SCNN1B: variants seen among roughly 807,000 people sequenced by gnomAD.
SCNN1B encodes the protein sodium channel epithelial 1 subunit beta, also known as epithelial sodium channel subunit beta.
SCNN1B carries 46 observed loss-of-function variants against 65.3 expected under a neutral mutation model. The observed-to-expected ratio is 0.70, with a 90% CI of 0.56 to 0.90. SCNN1B has a LOEUF of 0.90. SCNN1B is among the 40% of genes least tolerant of loss of function. SCNN1B has a pLI of 0.00. For synonymous variants in SCNN1B, 349 were observed against 330.6 expected, an observed-to-expected ratio of 1.06 and a Z score of -0.60; for missense variants, 751 against 830.5, an observed-to-expected ratio of 0.90 and a Z score of 1.18.
intron 1 of SCNN1B, among the ~76,000 whole-genome samples, chr16:23,334,912 C>G (rs987938713): frequency 6.6e-6 from 1 of 152,216 alleles, no homozygotes. Context: ...CCCCAGAGCT[C>G]GGCCCATACT....
At chr16:23,365,620 A>AGAAAGAAAGAAAGAGAAAG (rs11399911) in intron 4 of SCNN1B, among the ~76,000 whole-genome samples, 3 of 80,418 alleles carry the variant, frequency 3.7e-5, no homozygotes, top group Admixed American at 1.2e-4. Context: ...AAAGAAAGAA[A>AGAAAGAAAGAAAGAGAAAG]AAAGAAAGAA....
chr16:23,380,723 C>T lies in SCNN1B; in HGVS notation c.1845C>T (p.Thr615=), dbSNP rs760344381. 1 of 1,612,362 alleles carries T rather than the reference C, an allele frequency of 6.2e-7. No individual in the cohort carries two copies. Among genetic ancestry groups the T allele is most frequent in the Non-Finnish European group, 8.5e-7 (1 of 1,179,688 alleles). Residue 615 remains threonine (T), a synonymous_variant, in exon 13 of 13, where the codon ACC becomes ACT. Transcript: ENST00000343070. The surrounding 1 kb of genome is among the most constrained non-coding windows in gnomAD (Gnocchi z 5.4). ...AGCAGGCCCTGCCCATCCCAGGCAC[C>T]CCGCCCCCCAACTATGACTCCCTGC... is the stretch of plus-strand genomic sequence containing the variant. The part of the protein sequence containing the change: ...PSEQALPIPG[T]PPPNYDSLRL...
chr16:23,363,477 A>G (rs1005990614), intron 4 of SCNN1B, among the ~76,000 whole-genome samples: 1 of 152,230 alleles, frequency 6.6e-6, no homozygotes, highest in African/African-American at 2.4e-5. Flanking sequence ...CCCCGGGCTT[A>G]TGTTCTAAGC....
chr16:23,333,174 GAA>G (rs1567300592), intron 1 of SCNN1B, among the ~76,000 whole-genome samples: 4 of 141,318 alleles, frequency 2.8e-5, no homozygotes, highest in African/African-American at 5.3e-5. Flanking sequence ...AGGAAGGAAG[GAA>G]GGAAGGAAGG....
chr16:23,348,993 C>A lies in SCNN1B; in HGVS notation c.311+83C>A. On this transcript the variant is annotated intron_variant, in intron 2 of 12. Transcript: ENST00000343070. The surrounding 1 kb of genome is among the most constrained non-coding windows in gnomAD (Gnocchi z 4.5). ...TTTTCTTCCCTTCTACCTTTCCTTT[C>A]CTTCCTTTCCTTCCTTCTCCTTTCT... The A allele has an allele frequency of 9.4e-7, 1 of 1,063,692 alleles. No individual in the cohort carries two copies. Among genetic ancestry groups the A allele is most frequent in the Non-Finnish European group, 1.5e-6 (1 of 686,644 alleles). The allele number at this position is 1,063,692 out of a possible 1,614,324, so 65.9% of individuals were successfully genotyped here.
At chr16:23,371,015 G>A (rs1014034039) in intron 5 of SCNN1B, among the ~76,000 whole-genome samples, 2 of 152,248 alleles carry the variant, frequency 1.3e-5, no homozygotes, top group Admixed American at 6.5e-5. Flanking sequence ...TGGGTGGGCC[G>A]TGGCCATGCT....
At chr16:23,305,291 TA>T (rs1237641381) in intron 1 of SCNN1B, among the ~76,000 whole-genome samples, 1 of 151,736 alleles carries the variant, frequency 6.6e-6, no homozygotes, top group Non-Finnish European at 1.5e-5. Flanking sequence ...ATTTTTAGAT[TA>T]TTCCCAAGAT....
intron 1 of SCNN1B, among the ~76,000 whole-genome samples, chr16:23,336,486 C>T (rs2142005536): frequency 6.6e-6 from 1 of 152,032 alleles, no homozygotes; most frequent in South Asian, 2.1e-4. Context: ...ATTCTCCTGC[C>T]TCAGCCTCCT....
At chr16:23,320,647 G>T (rs1174961566) in intron 1 of SCNN1B, among the ~76,000 whole-genome samples, 2 of 152,216 alleles carry the variant, frequency 1.3e-5, no homozygotes, top group Admixed American at 6.5e-5. Flanking sequence ...ATTCCAGGGG[G>T]TTCTGATCCA....
intron 1 of SCNN1B, among the ~76,000 whole-genome samples, chr16:23,341,263 A>T (rs929508847): frequency 6.6e-6 from 1 of 152,210 alleles, no homozygotes; most frequent in Non-Finnish European, 1.5e-5. Flanking sequence ...CATGAAAAAC[A>T]ATGAAGTTGG....
chr16:23,328,166 G>A (rs1364786060), intron 1 of SCNN1B, among the ~76,000 whole-genome samples: 5 of 152,180 alleles, frequency 3.3e-5, no homozygotes, highest in South Asian at 2.1e-4. Context: ...GTCACCCCAC[G>A]CAGAGTGGCA....
intron 1 of SCNN1B, among the ~76,000 whole-genome samples, chr16:23,342,110 A>C (rs367971850): frequency 2.0e-4 from 30 of 152,386 alleles, no homozygotes; most frequent in African/African-American, 7.2e-4. Context: ...ATGAATGGAT[A>C]AATAAAATGT....
At chr16:23,314,343 C>T (rs925389159) in intron 1 of SCNN1B, among the ~76,000 whole-genome samples, 2 of 152,138 alleles carry the variant, frequency 1.3e-5, no homozygotes, top group African/African-American at 4.8e-5. Context: ...CAATTATTAT[C>T]CCCCTTTTAC....
chr16:23,315,850 T>A (rs1961442210), intron 1 of SCNN1B, among the ~76,000 whole-genome samples: 2 of 152,116 alleles, frequency 1.3e-5, no homozygotes, highest in African/African-American at 4.8e-5. Context: ...CTGAGTCCTC[T>A]CATTTAATCT....
At chr16:23,306,907 G>A (rs1403974983) in intron 1 of SCNN1B, among the ~76,000 whole-genome samples, 2 of 152,150 alleles carry the variant, frequency 1.3e-5, no homozygotes, top group Non-Finnish European at 2.9e-5. Flanking sequence ...ATAGAGATGA[G>A]CATTTCTTGA....
chr16:23,379,339 A>AT (rs1491310491), intron 11 of SCNN1B, among the ~76,000 whole-genome samples: 2 of 152,058 alleles, frequency 1.3e-5, no homozygotes, highest in Non-Finnish European at 2.9e-5. Flanking sequence ...GGGGGCAAAC[A>AT]TATGTAAAAA....
intron 4 of SCNN1B, among the ~76,000 whole-genome samples, chr16:23,367,589 C>A (rs982015353): frequency 6.6e-6 from 1 of 152,256 alleles, no homozygotes; most frequent in African/African-American, 2.4e-5. Flanking sequence ...TGAGCCACCA[C>A]GCCCGGCCAG....
intron 8 of SCNN1B, 101 bp from the exon 9 acceptor site, chr16:23,377,064 G>A (rs1331031002): frequency 3.8e-6 from 4 of 1,039,894 alleles, no homozygotes; most frequent in Non-Finnish European, 5.9e-6. Flanking sequence ...CCTAACCACA[G>A]GGCCAGGAGA....
At chr16:23,294,197 TAA>T (rs1840991706) in intron 2 of SCNN1B, among the ~76,000 whole-genome samples, 1 of 152,020 alleles carries the variant, frequency 6.6e-6, no homozygotes, top group South Asian at 2.1e-4. Context: ...CCATCTCTAC[TAA>T]AAGACAGGGT....
Sources: allele counts gnomAD v4.1 joint callset (sites outside exome capture counted in the v4.1 genomes callset), GRCh38; gene constraint gnomAD v4.1.1; non-coding constraint Gnocchi (gnomAD v3.1); transcripts MANE v1.5; gene names NCBI Gene and HGNC (gene_info 2026-07-23, HGNC 2026-07-21).